Variants in CDK14 observed in about 807,000 individuals in gnomAD.
CDK14 encodes cyclin-dependent kinase 14.
A neutral mutation model predicts 60.7 loss-of-function variants in CDK14; 34 were observed. The observed-to-expected ratio is 0.56, with a 90% CI of 0.43 to 0.75. CDK14 has a LOEUF of 0.75. Among genes scored for constraint, CDK14 ranks in the 30% least tolerant of loss-of-function variants. The probability of loss-of-function intolerance (pLI) is 0.00; values close to 1 mark genes in which losing one functional copy is unlikely to be tolerated. For missense variants in CDK14, 482 were observed against 564.1 expected, an observed-to-expected ratio of 0.85 and a Z score of 1.47; for synonymous variants, 197 against 203.7, an observed-to-expected ratio of 0.97 and a Z score of 0.28.
chr7:90,829,750 C>G (rs1285703819), intron 5 of CDK14, among the ~76,000 whole-genome samples: 1 of 152,158 alleles, frequency 6.6e-6, no homozygotes, highest in East Asian at 1.9e-4. Flanking sequence ...TCAGGCTGGT[C>G]TCAAACTCCT....
At chr7:91,014,715 T>TAATGTGTATTAA (rs1211267506) in intron 10 of CDK14, among the ~76,000 whole-genome samples, 2 of 152,218 alleles carry the variant, frequency 1.3e-5, no homozygotes, top group African/African-American at 4.8e-5. Flanking sequence ...AAAGGTTAGC[T>TAATGTGTATTAA]ATGTGTATTG....
intron 5 of CDK14, among the ~76,000 whole-genome samples, chr7:90,811,711 C>G (rs1484476147): frequency 1.3e-5 from 2 of 151,854 alleles, no homozygotes; most frequent in Non-Finnish European, 2.9e-5. Context: ...TTTTCGCAAT[C>G]TACTCATCTG....
intron 2 of CDK14, among the ~76,000 whole-genome samples, chr7:90,672,480 A>G (rs910922027): frequency 3.3e-5 from 4 of 120,216 alleles, no homozygotes; most frequent in African/African-American, 9.4e-5. Flanking sequence ...TTCATGGCCT[A>G]TGCATCAGTG....
At chr7:90,963,086 A>AGAGAGTGTGTGTGTGT (rs146903374) in intron 9 of CDK14, among the ~76,000 whole-genome samples, 3 of 142,080 alleles carry the variant, frequency 2.1e-5, no homozygotes, top group African/African-American at 5.3e-5. Flanking sequence ...TCATCTTAAG[A>AGAGAGTGTGTGTGTGT]GTGTGTGTGT....
chr7:91,001,408 A>G (rs1485145751), intron 10 of CDK14, among the ~76,000 whole-genome samples: 1 of 152,216 alleles, frequency 6.6e-6, no homozygotes. Flanking sequence ...TCAGATGGTA[A>G]GATAAAAAAA....
chr7:91,180,478 A>G lies in CDK14; in HGVS notation c.*29-26687A>G, dbSNP rs889933626. 4.7e-5 allele frequency among the ~76,000 whole-genome samples: 7 copies of G among 150,354 alleles called. No individual in the cohort carries two copies. The South Asian group carries it at 6.2e-4, about 13-fold the overall frequency. ...CTCTGTAACGCAAGTATACACATAC[A>G]TGCATAGAAAGAAGACTGAAAAATA... On this transcript the variant is annotated intron_variant, in intron 14 of 14. Coordinates refer to ENST00000380050, the MANE Select transcript of CDK14 (RefSeq NM_001287135.2).
chr7:90,740,457 CTAATA>C, intron 3 of CDK14, among the ~76,000 whole-genome samples: 1 of 151,980 alleles, frequency 6.6e-6, no homozygotes, highest in South Asian at 2.1e-4. Flanking sequence ...GGGTGTGACC[CTAATA>C]TAATATGACT....
chr7:91,035,722 A>G (rs532437795), intron 10 of CDK14, among the ~76,000 whole-genome samples: 2 of 151,544 alleles, frequency 1.3e-5, no homozygotes, highest in East Asian at 3.9e-4. Context: ...TGAATTGTTT[A>G]TTGCTGCATA....
At chr7:90,677,619 A>G (rs1268801921) in intron 2 of CDK14, among the ~76,000 whole-genome samples, 3 of 152,144 alleles carry the variant, frequency 2.0e-5, no homozygotes, top group African/African-American at 7.2e-5. Context: ...GTGATGGAGA[A>G]GAATACATAA....
intron 4 of CDK14, among the ~76,000 whole-genome samples, chr7:90,752,745 CAATAGAACACT>C (rs1803897214): frequency 6.6e-6 from 1 of 151,718 alleles, no homozygotes; most frequent in South Asian, 2.1e-4. Flanking sequence ...GGATAAAGAT[CAATAGAACACT>C]AATTAAAGGA....
At chr7:90,960,979 T>C (rs1406190462) in intron 9 of CDK14, among the ~76,000 whole-genome samples, 1 of 152,126 alleles carries the variant, frequency 6.6e-6, no homozygotes, top group East Asian at 1.9e-4. Flanking sequence ...TACTTACCTA[T>C]TTTACCATGA....
chr7:90,849,304 C>G (rs1259484520), intron 5 of CDK14, among the ~76,000 whole-genome samples: 1 of 151,148 alleles, frequency 6.6e-6, no homozygotes, highest in African/African-American at 2.5e-5. Flanking sequence ...AGAAATCTTC[C>G]TGAGGCCTCA....
chr7:90,732,055 G>T (rs899869294), intron 3 of CDK14, among the ~76,000 whole-genome samples: 1 of 152,174 alleles, frequency 6.6e-6, no homozygotes, highest in Non-Finnish European at 1.5e-5. Context: ...ATGAGGGGCT[G>T]TTGAATTTTG....
rs886402056 is a variant in CDK14, at chr7:91,210,444, A to G, written c.*3308A>G. 5 of 152,562 alleles carry G rather than the reference A, an allele frequency of 3.3e-5. No individual in the cohort carries two copies. The highest frequency in any genetic ancestry group is 1.3e-4 in the Admixed American group (2 of 15,284). The allele number at this position is 152,562 out of a possible 1,614,324, so 9.5% of individuals were successfully genotyped here. On this transcript the variant is annotated 3_prime_UTR_variant, in exon 15 of 15. Transcript: ENST00000380050. ...GAAAACTATTATACTTTCAAATGAC[A>G]CATAGTAAGGAGAATGGAATAATAC...
chr7:90,913,329 CT>C (rs1407621077), intron 7 of CDK14, among the ~76,000 whole-genome samples: 3 of 152,182 alleles, frequency 2.0e-5, no homozygotes, highest in African/African-American at 4.8e-5. Flanking sequence ...CTTCCCACCC[CT>C]ATCTGCCAGT....
In CDK14 at chr7:91,001,201, A is replaced by T. The variant is rs185599259; in HGVS notation, c.1041+16960A>T. On this transcript the variant is annotated intron_variant, in intron 10 of 14. Transcript: ENST00000380050. Reference sequence around the variant, plus strand: ...AATAGGCTTTTAAATATTGGGGAGAAACAGTATACTGTCTAGGATGACAGA... The same window carrying T: ...AATAGGCTTTTAAATATTGGGGAGATACAGTATACTGTCTAGGATGACAGA... Among the ~76,000 whole-genome samples, 42 of 152,314 alleles carry T rather than the reference A, an allele frequency of 2.8e-4. No homozygotes were observed. In the East Asian group the frequency reaches 6.7e-3, roughly 24 times the overall value.
chr7:90,742,492 A>G (rs191591229), intron 3 of CDK14, among the ~76,000 whole-genome samples: 112 of 152,112 alleles, frequency 7.4e-4, no homozygotes, highest in African/African-American at 2.5e-3. Context: ...ATAATTATCT[A>G]TTTTAATGGT....
chr7:91,089,397 G>T (rs1798736647), intron 12 of CDK14, among the ~76,000 whole-genome samples: 1 of 152,090 alleles, frequency 6.6e-6, no homozygotes, highest in Non-Finnish European at 1.5e-5. Flanking sequence ...AATGTTGATT[G>T]CTTCTCATCT....
intron 14 of CDK14, among the ~76,000 whole-genome samples, chr7:91,146,291 C>T (rs1184339014): frequency 6.6e-6 from 1 of 152,168 alleles, no homozygotes; most frequent in African/African-American, 2.4e-5. Flanking sequence ...ACCTCCAACT[C>T]CCAGGTTCAA....
Sources: allele counts gnomAD v4.1 joint callset (sites outside exome capture counted in the v4.1 genomes callset), GRCh38; gene constraint gnomAD v4.1.1; transcripts MANE v1.5; gene names NCBI Gene and HGNC (gene_info 2026-07-23, HGNC 2026-07-21).